SLC44A5: variants seen among roughly 807,000 people sequenced by gnomAD.
SLC44A5 encodes choline transporter-like protein 5.
A neutral mutation model predicts 101.8 loss-of-function variants in SLC44A5; 57 were observed. That is an observed-to-expected ratio of 0.56 (90% CI 0.45 to 0.70). SLC44A5 has a LOEUF of 0.70. SLC44A5 is among the 30% of genes least tolerant of loss of function. The probability of loss-of-function intolerance (pLI) is 0.00; values close to 1 mark genes in which losing one functional copy is unlikely to be tolerated. For synonymous variants in SLC44A5, 281 were observed against 290.9 expected (o/e 0.97, Z 0.35); for missense variants, 737 against 853.1 (o/e 0.86, Z 1.70).
intron 2 of SLC44A5, among the ~76,000 whole-genome samples, chr1:75,470,140 C>T (rs760236919): frequency 5.3e-5 from 8 of 152,172 alleles, no homozygotes; most frequent in Admixed American, 3.9e-4. Context: ...AAGATAAGAG[C>T]TTTTCATAAC....
At chr1:75,709,124 A>C in the SLC44A5 span, among the ~76,000 whole-genome samples, 1 of 152,128 alleles carries the variant, frequency 6.6e-6, no homozygotes, top group Non-Finnish European at 1.5e-5. Context: ...TTGTAACTTG[A>C]TTCTCCTGGT....
intron 2 of SLC44A5, among the ~76,000 whole-genome samples, chr1:75,529,194 G>A (rs963152699): frequency 5.9e-5 from 9 of 152,054 alleles, no homozygotes; most frequent in Non-Finnish European, 1.3e-4. Context: ...AGTAACCCAA[G>A]GTCTAATTTT....
chr1:75,580,837 C>CA (rs11441546), intron 1 of SLC44A5, among the ~76,000 whole-genome samples: 40,068 of 114,866 alleles, frequency 0.35, 6,866 homozygotes, highest in East Asian at 0.78. Context: ...GACTCTGTCT[C>CA]AAAAAAAAAA....
intron 2 of SLC44A5, among the ~76,000 whole-genome samples, chr1:75,401,414 T>C (rs1025119721): frequency 6.6e-6 from 1 of 152,178 alleles, no homozygotes; most frequent in African/African-American, 2.4e-5. Context: ...AAATGTGACA[T>C]GATAGATGCT....
At chr1:75,257,256 A>ATT (rs1650091107) in intron 6 of SLC44A5, among the ~76,000 whole-genome samples, 2 of 152,316 alleles carry the variant, frequency 1.3e-5, no homozygotes, top group Admixed American at 1.3e-4. Context: ...GTCAGAGGTC[A>ATT]GTGAATTGAA....
chr1:75,372,760 T>C (rs547327232), intron 3 of SLC44A5, among the ~76,000 whole-genome samples: 1 of 152,320 alleles, frequency 6.6e-6, no homozygotes, highest in Non-Finnish European at 1.5e-5. Context: ...CCTTTAAAAT[T>C]TGACATTGGA....
chr1:75,602,195 C>A (rs1675020815), intron 1 of SLC44A5, among the ~76,000 whole-genome samples: 1 of 152,060 alleles, frequency 6.6e-6, no homozygotes, highest in South Asian at 2.1e-4. Flanking sequence ...TATTTATAAT[C>A]TATTATTTGC....
chr1:75,545,533 A>G (rs923195979), intron 1 of SLC44A5, among the ~76,000 whole-genome samples: 1 of 152,204 alleles, frequency 6.6e-6, no homozygotes, highest in Non-Finnish European at 1.5e-5. Flanking sequence ...TACATTTCTC[A>G]GTATAACATG....
chr1:75,359,140 C>A (rs1659297196), intron 3 of SLC44A5, among the ~76,000 whole-genome samples: 1 of 149,076 alleles, frequency 6.7e-6, no homozygotes, highest in Non-Finnish European at 1.5e-5. Flanking sequence ...CTCCAGGCGG[C>A]TCCATGTTTT....
intron 2 of SLC44A5, among the ~76,000 whole-genome samples, chr1:75,416,135 C>T (rs773468490): frequency 9.2e-5 from 14 of 152,264 alleles, no homozygotes; most frequent in Admixed American, 2.0e-4. Flanking sequence ...TTCATGGCAG[C>T]CCCTCTTATC....
intron 3 of SLC44A5, among the ~76,000 whole-genome samples, chr1:75,346,205 G>A (rs1387543816): frequency 1.3e-5 from 2 of 152,066 alleles, no homozygotes; most frequent in Non-Finnish European, 1.5e-5. Context: ...ACCTATGATG[G>A]TTGTTTTTCC....
chr1:75,271,494 G>GTTTTTTTTTTTTTTT, intron 6 of SLC44A5, among the ~76,000 whole-genome samples: 2 of 42,576 alleles, frequency 4.7e-5, no homozygotes, highest in African/African-American at 2.2e-4. Context: ...CACTCTGCAT[G>GTTTTTTTTTTTTTTT]TTTTGTGTGT....
intron 3 of SLC44A5, among the ~76,000 whole-genome samples, chr1:75,386,495 C>A (rs1329654314): frequency 6.6e-6 from 1 of 152,164 alleles, no homozygotes; most frequent in African/African-American, 2.4e-5. Context: ...AGGAATCCAA[C>A]TTACAAGGGA....
At chr1:75,534,235 C>T (rs1312233797) in intron 2 of SLC44A5, among the ~76,000 whole-genome samples, 3 of 152,046 alleles carry the variant, frequency 2.0e-5, no homozygotes. Flanking sequence ...TTGCAAATCA[C>T]CTGTTAAAGT....
chr1:75,342,790 C>T (rs1657980073), intron 3 of SLC44A5, among the ~76,000 whole-genome samples: 1 of 152,096 alleles, frequency 6.6e-6, no homozygotes, highest in Non-Finnish European at 1.5e-5. Context: ...AAATGAAATG[C>T]CATTGTCGAA....
In SLC44A5 at chr1:75,215,819, G is replaced by C. The variant is rs184965962; in HGVS notation, c.1663C>G (p.Leu555Val). 2 of 1,608,716 alleles carry C rather than the reference G, an allele frequency of 1.2e-6. No homozygotes were observed. Among genetic ancestry groups the C allele is most frequent in the African/African-American group, 2.7e-5 (2 of 74,860 alleles). The change falls in exon 19 of 24, where the codon CTG becomes GTG. Residue 555 changes from leucine to valine, a missense_variant. Leu to Val is a conservative substitution (Grantham distance 32). Transcript: ENST00000370859. ...TCCAAACACCAGAAGCAGCATCTCA[G>C]GCAGCATTGTAGGAATTTAGACAAT... The part of the protein sequence containing the change: ...NTLSKFLQCC[L>V]RCCFWCLENA...
chr1:75,333,775 A>G (rs1657234852), intron 4 of SLC44A5, among the ~76,000 whole-genome samples: 1 of 152,178 alleles, frequency 6.6e-6, no homozygotes, highest in African/African-American at 2.4e-5. Context: ...GATAGGAGTA[A>G]GAAGAATGTA....
At chr1:75,501,041 A>G (rs946321833) in intron 2 of SLC44A5, among the ~76,000 whole-genome samples, 3 of 152,204 alleles carry the variant, frequency 2.0e-5, no homozygotes, top group African/African-American at 7.2e-5. Flanking sequence ...TAAAGTGCTC[A>G]GTTGATTCTT....
chr1:75,536,856 A>G (rs1296731018), intron 2 of SLC44A5, among the ~76,000 whole-genome samples: 2 of 138,260 alleles, frequency 1.4e-5, no homozygotes, highest in Non-Finnish European at 3.1e-5. Context: ...AATACAAAAA[A>G]TTAGCCGGGC....
Sources: gnomAD v4.1 joint callset for allele counts (sites outside exome capture counted in the v4.1 genomes callset) on GRCh38, gnomAD v4.1.1 for gene constraint, MANE v1.5 for transcripts, NCBI Gene and HGNC (gene_info 2026-07-23, HGNC 2026-07-21) for gene names.